Variants in PPFIA1 observed in about 807,000 individuals in gnomAD.
PPFIA1 encodes the protein PPFI scaffold protein A1.
PPFIA1 carries 25 observed loss-of-function variants against 149.9 expected under a neutral mutation model. The observed-to-expected ratio is 0.17, with a 90% CI of 0.12 to 0.23. The LOEUF is 0.23. Among genes scored for constraint, PPFIA1 ranks in the 10% least tolerant of loss-of-function variants. The pLI is 1.00. For missense variants in PPFIA1, 1,362 were observed against 1,506.5 expected (o/e 0.90, Z 1.59); for synonymous variants, 549 against 552.8 (o/e 0.99, Z 0.10).
chr11:70,367,746 G>A (rs180701441), intron 21 of PPFIA1: 2 of 372,054 alleles, frequency 5.4e-6, no homozygotes, highest in East Asian at 7.3e-5. Context: ...CTGCTTCCAT[G>A]CAGTTTTCTA....
chr11:70,371,263 T>G (rs982328838), intron 21 of PPFIA1: 2 of 1,574 alleles, frequency 1.3e-3, no homozygotes, highest in African/African-American at 0.013. Flanking sequence ...GATTTCAGTC[T>G]CTTTAAGTAT....
chr11:70,348,135 C>G (rs911663691), intron 15 of PPFIA1, 54 bp from the exon 16 acceptor site: 1 of 1,513,048 alleles, frequency 6.6e-7, no homozygotes, highest in Admixed American at 1.7e-5. Context: ...CTCATGCAAA[C>G]ACATTAATCT....
chr11:70,303,253 G>T, intron 2 of PPFIA1, among the ~76,000 whole-genome samples: 1 of 152,158 alleles, frequency 6.6e-6, no homozygotes, highest in East Asian at 1.9e-4. Flanking sequence ...GGTAGCACTT[G>T]GTCTAGCAGA....
intron 3 of PPFIA1, 150 bp downstream of exon 3, chr11:70,324,653 G>A (rs1287761083): frequency 8.1e-6 from 7 of 868,532 alleles, no homozygotes; most frequent in Non-Finnish European, 1.3e-5. Flanking sequence ...TAGTCAGCAT[G>A]ATCACACATT....
At chr11:70,314,972 T>A (rs1238329584) in intron 2 of PPFIA1, among the ~76,000 whole-genome samples, 2 of 152,056 alleles carry the variant, frequency 1.3e-5, no homozygotes, top group Non-Finnish European at 2.9e-5. Context: ...ACGGAGTGCA[T>A]GCAAGCAGGG....
intron 15 of PPFIA1, among the ~76,000 whole-genome samples, chr11:70,346,197 G>T (rs546307436): frequency 6.6e-6 from 1 of 152,302 alleles, no homozygotes; most frequent in East Asian, 1.9e-4. Context: ...GTGTGACCAG[G>T]GGGTGCCTGG....
At chr11:70,347,289 C>T (rs1004931535) in intron 15 of PPFIA1, among the ~76,000 whole-genome samples, 5 of 152,118 alleles carry the variant, frequency 3.3e-5, no homozygotes, top group Admixed American at 6.5e-5. Flanking sequence ...GAAAAATTGC[C>T]ATCCAGCCTT....
intron 2 of PPFIA1, among the ~76,000 whole-genome samples, chr11:70,320,565 A>C (rs527585117): frequency 6.7e-6 from 1 of 149,184 alleles, no homozygotes; most frequent in South Asian, 2.1e-4. Flanking sequence ...GGTCTATGCT[A>C]CTGGGTCTAC....
chr11:70,289,636 A>G (rs12278741), intron 2 of PPFIA1, among the ~76,000 whole-genome samples: 33,311 of 152,176 alleles, frequency 0.22, 5,569 homozygotes, highest in African/African-American at 0.46. Flanking sequence ...AATTTGATAA[A>G]CAGGTTCATT....
Position 70,355,222 on chromosome 11 carries a change from T to C in PPFIA1, c.2316-417T>C, listed in dbSNP as rs185872610. On this transcript the variant is annotated intron_variant, in intron 17 of 27. Transcript: ENST00000253925. ...CCGGCCCCTCTTTTTTTAAATTCCA[T>C]TGGATTTCGGTTCTGTGCCAGGCAA... is the stretch of plus-strand genomic sequence containing the variant. Among the ~76,000 whole-genome samples, 7 of 152,198 alleles carry C rather than the reference T, an allele frequency of 4.6e-5. No homozygotes were observed. The South Asian group carries it at 6.2e-4, about 14-fold the overall frequency.
intron 26 of PPFIA1, chr11:70,381,346 C>G (rs1695379839): frequency 1.3e-5 from 2 of 152,176 alleles, no homozygotes; most frequent in South Asian, 4.1e-4. Context: ...AACTTAAAAT[C>G]CCAGTTGTTA....
At chr11:70,338,094 A>G (rs573763207) in intron 12 of PPFIA1, among the ~76,000 whole-genome samples, 3 of 152,334 alleles carry the variant, frequency 2.0e-5, no homozygotes, top group African/African-American at 4.8e-5. Context: ...CTACGAAACT[A>G]ATAATTGTTA....
At chr11:70,307,729 G>A (rs995937557) in intron 2 of PPFIA1, among the ~76,000 whole-genome samples, 4 of 151,924 alleles carry the variant, frequency 2.6e-5, no homozygotes, top group African/African-American at 9.7e-5. Flanking sequence ...AGACCAACCT[G>A]GGCAACATAG....
chr11:70,286,754 CTTTTT>C (rs957912008), intron 2 of PPFIA1, among the ~76,000 whole-genome samples: 2 of 124,004 alleles, frequency 1.6e-5, no homozygotes, highest in African/African-American at 3.0e-5. Context: ...TTCTTTCTTT[CTTTTT>C]TTTTTTTTTT....
At chr11:70,360,704 G>A (rs1353370008) in intron 19 of PPFIA1, among the ~76,000 whole-genome samples, 3 of 152,224 alleles carry the variant, frequency 2.0e-5, no homozygotes, top group Admixed American at 2.0e-4. Context: ...TTCGCATCTT[G>A]CGATACCACT....
chr11:70,274,413 C>A (rs1360979226), intron 2 of PPFIA1, among the ~76,000 whole-genome samples: 1 of 152,102 alleles, frequency 6.6e-6, no homozygotes. Context: ...CCTAGAAGTC[C>A]CCTCCTAACT....
chr11:70,293,503 A>AT (rs1408482023), intron 2 of PPFIA1, among the ~76,000 whole-genome samples: 4 of 152,230 alleles, frequency 2.6e-5, no homozygotes, highest in African/African-American at 9.6e-5. Context: ...GCTTTGAAAC[A>AT]TAATAGAGTC....
At chr11:70,329,168 GTGTGAGACCAT>G (rs1436446635) in intron 7 of PPFIA1, among the ~76,000 whole-genome samples, 3 of 152,170 alleles carry the variant, frequency 2.0e-5, no homozygotes, top group Non-Finnish European at 2.9e-5. Context: ...ACCCTGTCCT[GTGTGAGACCAT>G]TTGTAGCGTG....
chr11:70,378,855 A>C (rs752770453), intron 26 of PPFIA1, among the ~76,000 whole-genome samples: 1 of 152,212 alleles, frequency 6.6e-6, no homozygotes, highest in Non-Finnish European at 1.5e-5. Flanking sequence ...ATTTGAGGTT[A>C]ACAGTTGACC....
Sources: gnomAD v4.1 joint callset for allele counts (sites outside exome capture counted in the v4.1 genomes callset) on GRCh38, gnomAD v4.1.1 for gene constraint, MANE v1.5 for transcripts, NCBI Gene and HGNC (gene_info 2026-07-23, HGNC 2026-07-21) for gene names.